The following OSBPL3 variants were observed in gnomAD, a reference collection of about 807,000 sequenced individuals.
The protein encoded by OSBPL3 is oxysterol binding protein like 3, also known as oxysterol-binding protein-related protein 3.
A neutral mutation model predicts 120.1 loss-of-function variants in OSBPL3; 65 were observed. The observed-to-expected ratio is 0.54, with a 90% confidence interval of 0.44 to 0.67. The LOEUF is 0.67. Among genes scored for constraint, OSBPL3 ranks in the 30% least tolerant of loss-of-function variants. The pLI, the probability that OSBPL3 is intolerant of heterozygous loss-of-function variation, is 0.00. For synonymous variants in OSBPL3, 416 were observed against 402.6 expected (o/e 1.03, Z -0.40); for missense variants, 1,004 against 1,082.1 (o/e 0.93, Z 1.01).
Position 24,849,125 on chromosome 7 carries a change from C to G in OSBPL3, c.1210G>C (p.Glu404Gln), listed in dbSNP as rs774358365. The G allele has an allele frequency of 6.2e-7, 1 of 1,613,992 alleles. No homozygotes were observed. Among genetic ancestry groups the G allele is most frequent in the Non-Finnish European group, 8.5e-7 (1 of 1,179,904 alleles). The part of the protein sequence containing the change: ...LKERLRRIHA[E>Q]SLLLDSPAVA... ...GCGGGGGAGTCGAGGAGCAGAGACT[C>G]GGCATGGATTCTGCGTAAGCGTTCT... The change falls in exon 12 of 23, where the codon GAG (glutamate) becomes CAG (glutamine). Residue 404 changes from glutamate (E) to glutamine (Q), a missense_variant. By Grantham distance (29) the Glu-to-Gln change is conservative. Transcript: ENST00000313367. The surrounding 1 kb of genome is among the most constrained non-coding windows in gnomAD (Gnocchi z 5.4).
intron 6 of OSBPL3, among the ~76,000 whole-genome samples, chr7:24,865,733 A>G (rs1395945866): frequency 6.6e-6 from 1 of 152,218 alleles, no homozygotes; most frequent in Non-Finnish European, 1.5e-5. Context: ...AAATGTTTGG[A>G]AATATTTTGC....
At chr7:24,889,420 T>C (rs1349654807) in intron 2 of OSBPL3, among the ~76,000 whole-genome samples, 1 of 152,172 alleles carries the variant, frequency 6.6e-6, no homozygotes, top group African/African-American at 2.4e-5. Flanking sequence ...TGAAATTGGC[T>C]ATAAAAGTAG....
chr7:24,962,467 GGAGGAGAGA>G, intron 1 of OSBPL3, among the ~76,000 whole-genome samples: 1 of 148,242 alleles, frequency 6.7e-6, no homozygotes, highest in African/African-American at 2.5e-5. Flanking sequence ...GGAGGAGAGA[GGAGGAGAGA>G]GGAGGAGAGC....
At chr7:24,837,809 G>A (rs1256122790) in intron 14 of OSBPL3, among the ~76,000 whole-genome samples, 1 of 152,190 alleles carries the variant, frequency 6.6e-6, no homozygotes, top group Non-Finnish European at 1.5e-5. Context: ...ACCACTGAGT[G>A]GCAGAGCTGG....
chr7:24,865,272 T>C, intron 7 of OSBPL3, 70 bp downstream of exon 7: 1 of 1,515,834 alleles, frequency 6.6e-7, no homozygotes, highest in South Asian at 1.2e-5. Context: ...CAAATGAATC[T>C]GAAGTGTAAA....
intron 1 of OSBPL3, among the ~76,000 whole-genome samples, chr7:24,943,555 T>C (rs1813342807): frequency 1.3e-5 from 2 of 152,214 alleles, no homozygotes. Context: ...AGCATACCTT[T>C]CTAAGAAGAG....
At chr7:24,878,801 A>G (rs988594533) in intron 2 of OSBPL3, among the ~76,000 whole-genome samples, 3 of 152,214 alleles carry the variant, frequency 2.0e-5, no homozygotes, top group African/African-American at 7.2e-5. Flanking sequence ...TTGCATGTCA[A>G]TCACTTGGAG....
chr7:24,935,879 A>G (rs745692298), intron 1 of OSBPL3, among the ~76,000 whole-genome samples: 2 of 152,032 alleles, frequency 1.3e-5, no homozygotes, highest in Non-Finnish European at 2.9e-5. Context: ...TCGAAGAAGG[A>G]ATCTTTTTTT....
At chr7:24,961,347 T>C (rs1815715830) in intron 1 of OSBPL3, among the ~76,000 whole-genome samples, 1 of 152,116 alleles carries the variant, frequency 6.6e-6, no homozygotes, top group Non-Finnish European at 1.5e-5. Context: ...CACATCTAGT[T>C]GAAATTAACC....
intron 1 of OSBPL3, among the ~76,000 whole-genome samples, chr7:24,958,342 G>A (rs1815319329): frequency 6.6e-6 from 1 of 151,846 alleles, no homozygotes; most frequent in South Asian, 2.1e-4. Context: ...TTTTTTGATT[G>A]ATAGTCTCTC....
intron 1 of OSBPL3, among the ~76,000 whole-genome samples, chr7:24,920,808 A>G (rs1181467862): frequency 6.6e-6 from 1 of 152,194 alleles, no homozygotes; most frequent in Non-Finnish European, 1.5e-5. Context: ...CATCTAGTGA[A>G]CTCATGGAAA....
In OSBPL3 at chr7:24,822,818, A is replaced by AT. The variant is rs1417133918; in HGVS notation, c.1885-2581dup. On this transcript the variant is annotated intron_variant, in intron 16 of 22. Transcript: ENST00000313367. This position sits in a 1 kb window ranked among gnomAD's most constrained non-coding sequence, Gnocchi z 5.8. Reference sequence around the variant, plus strand: ...CACATCTCATAAAAACCCAACCTTGATTTTTTTAAACTATTGTGTTAGATA... The same window carrying AT: ...CACATCTCATAAAAACCCAACCTTGATTTTTTTTAAACTATTGTGTTAGATA... 2.6e-5 allele frequency among the ~76,000 whole-genome samples: 4 copies of AT among 152,210 alleles called. No homozygotes were observed. Among genetic ancestry groups the AT allele is most frequent in the African/African-American group, 9.6e-5 (4 of 41,460 alleles).
chr7:24,811,080 T>A (rs2128118285), intron 19 of OSBPL3, among the ~76,000 whole-genome samples: 1 of 152,388 alleles, frequency 6.6e-6, no homozygotes, highest in Admixed American at 6.5e-5. Context: ...TAATTCCATT[T>A]CTAATTGTTT....
chr7:24,973,168 C>T (rs1817217386), intron 1 of OSBPL3, among the ~76,000 whole-genome samples: 1 of 152,216 alleles, frequency 6.6e-6, no homozygotes, highest in Non-Finnish European at 1.5e-5. Flanking sequence ...TACTCTCACA[C>T]AATCTCAGAA....
In OSBPL3 at chr7:24,899,564, CT is replaced by C. The variant is rs1468248380; in HGVS notation, c.-149-6944del. Among the ~76,000 whole-genome samples, 1 of 152,110 alleles carries C rather than the reference CT, an allele frequency of 6.6e-6. No individual in the cohort carries two copies. Among genetic ancestry groups the C allele is most frequent in the Non-Finnish European group, 1.5e-5 (1 of 68,030 alleles). On this transcript the variant is annotated intron_variant, in intron 1 of 22. Coordinates refer to ENST00000313367, the MANE Select transcript of OSBPL3 (RefSeq NM_015550.4). This position sits in a 1 kb window ranked among gnomAD's most constrained non-coding sequence, Gnocchi z 4.0. ...GAGACCAATGGTCACTGGCTGACTT[CT>C]TTGTTACGGCATACATAGATTGCAC...
In OSBPL3 at chr7:24,936,915, G is replaced by A. The variant is rs1362732527; in HGVS notation, c.-150+42971C>T. Among the ~76,000 whole-genome samples, 1 of 152,150 alleles carries A rather than the reference G, an allele frequency of 6.6e-6. No individual in the cohort carries two copies. The highest frequency in any genetic ancestry group is 1.9e-4 in the East Asian group (1 of 5,196). The stretch of plus-strand genomic sequence containing the variant: ...TTGAGCTCTTAAAACTATATACCGG[G>A]TGAAAAACAATGAGGTCCTGACTAG... On this transcript the variant is annotated intron_variant, in intron 1 of 22. Transcript: ENST00000313367. The surrounding 1 kb of genome is among the most constrained non-coding windows in gnomAD (Gnocchi z 4.2).
intron 1 of OSBPL3, among the ~76,000 whole-genome samples, chr7:24,927,938 A>G (rs2391005): frequency 0.18 from 27,754 of 152,040 alleles, 2,836 homozygotes; most frequent in East Asian, 0.34. Context: ...TGTTGGAGGT[A>G]GGGCCTGGTG....
chr7:24,887,872 AT>A (rs1402994787), intron 2 of OSBPL3, among the ~76,000 whole-genome samples: 1 of 152,188 alleles, frequency 6.6e-6, no homozygotes, highest in African/African-American at 2.4e-5. Context: ...GGGGAAAATC[AT>A]TTACCACCCA....
rs1033322300 is a variant in OSBPL3 at position 24,916,107 on chromosome 7, T to C, written c.-149-23486A>G. Among the ~76,000 whole-genome samples the C allele has an allele frequency of 1.3e-5, 2 of 152,328 alleles. No individual in the cohort carries two copies. The highest frequency in any genetic ancestry group is 4.1e-4 in the South Asian group (2 of 4,824). ...ATGTTGTCCTGTTATTCTCAATCCATCCTGACTCCCAACCTTGTGATGGTT... is the reference window on the plus strand; with the variant it reads ...ATGTTGTCCTGTTATTCTCAATCCACCCTGACTCCCAACCTTGTGATGGTT... On this transcript the variant is annotated intron_variant, in intron 1 of 22. Transcript: ENST00000313367. The surrounding 1 kb of genome is among the most constrained non-coding windows in gnomAD (Gnocchi z 4.9).
Sources: gnomAD v4.1 joint callset for allele counts (sites outside exome capture counted in the v4.1 genomes callset) on GRCh38, gnomAD v4.1.1 for gene constraint, Gnocchi (gnomAD v3.1) non-coding constraint, MANE v1.5 for transcripts, NCBI Gene and HGNC (gene_info 2026-07-23, HGNC 2026-07-21) for gene names.